RBMS3: variants seen among roughly 807,000 people sequenced by gnomAD.
The protein encoded by RBMS3 is RNA binding motif single stranded interacting protein 3.
In RBMS3, 27 loss-of-function variants were observed where a neutral mutation model predicts 66.8. The observed-to-expected ratio is 0.40, with a 90% confidence interval of 0.30 to 0.56. The LOEUF is 0.56. RBMS3 is among the 20% of genes least tolerant of loss of function. The pLI is 0.40. For synonymous variants in RBMS3, 188 were observed against 183.0 expected, an observed-to-expected ratio of 1.03 and a Z score of -0.22; for missense variants, 513 against 549.5, an observed-to-expected ratio of 0.93 and a Z score of 0.66.
At chr3:29,363,198 T>A (rs1012815624) in intron 1 of RBMS3, among the ~76,000 whole-genome samples, 2 of 152,228 alleles carry the variant, frequency 1.3e-5, no homozygotes, top group Non-Finnish European at 2.9e-5. Context: ...CTTAGTGTGT[T>A]ATTCAGAAAG....
intron 4 of RBMS3, among the ~76,000 whole-genome samples, chr3:29,625,247 T>G (rs1255748965): frequency 6.6e-6 from 1 of 152,172 alleles, no homozygotes; most frequent in Non-Finnish European, 1.5e-5. Flanking sequence ...ACTACAAATT[T>G]TTTAAAATTC....
intron 7 of RBMS3, among the ~76,000 whole-genome samples, chr3:29,871,724 G>A (rs1486252819): frequency 6.6e-6 from 1 of 152,154 alleles, no homozygotes; most frequent in Non-Finnish European, 1.5e-5. Context: ...AAATGGTCAT[G>A]TGAAAGGGAT....
At chr3:29,517,549 T>C (rs931633933) in intron 3 of RBMS3, among the ~76,000 whole-genome samples, 130 of 152,192 alleles carry the variant, frequency 8.5e-4, no homozygotes, top group Middle Eastern at 3.4e-3. Context: ...GGTTTCGATC[T>C]CCTGACCTCG....
chr3:29,562,872 A>G (rs928644244), intron 3 of RBMS3, among the ~76,000 whole-genome samples: 5 of 152,236 alleles, frequency 3.3e-5, no homozygotes, highest in Admixed American at 2.0e-4. Context: ...TATAATTCCT[A>G]CAGGGGAAGC....
At chr3:29,882,206 G>T (rs923658457) in intron 7 of RBMS3, among the ~76,000 whole-genome samples, 5 of 152,064 alleles carry the variant, frequency 3.3e-5, no homozygotes, top group Non-Finnish European at 7.4e-5. Flanking sequence ...TCTGTGTTCA[G>T]CCTAAGGCCA....
At chr3:29,368,694 A>G (rs1180986774) in intron 1 of RBMS3, among the ~76,000 whole-genome samples, 1 of 152,128 alleles carries the variant, frequency 6.6e-6, no homozygotes, top group African/African-American at 2.4e-5. Context: ...ATATTTATAG[A>G]GAAAAAGGAA....
chr3:29,450,924 CACACACA>C (rs1394847714), intron 2 of RBMS3, among the ~76,000 whole-genome samples: 130 of 124,924 alleles, frequency 1.0e-3, no homozygotes, highest in African/African-American at 3.5e-3. Context: ...CACACACACA[CACACACA>C]CCCCCCACAC....
At chr3:29,890,539 C>T (rs578105801) in intron 8 of RBMS3, among the ~76,000 whole-genome samples, 20 of 151,592 alleles carry the variant, frequency 1.3e-4, no homozygotes, top group Non-Finnish European at 1.9e-4. Flanking sequence ...TTCAACGTTG[C>T]TTAATGCTGA....
intron 6 of RBMS3, among the ~76,000 whole-genome samples, chr3:29,860,611 C>T (rs140569938): frequency 0.022 from 3,331 of 152,230 alleles, 65 homozygotes; most frequent in Admixed American, 0.032. Flanking sequence ...TTGAGTTTTC[C>T]TTTTACTTGG....
intron 6 of RBMS3, among the ~76,000 whole-genome samples, chr3:29,848,582 CCA>C (rs1199350803): frequency 6.6e-6 from 1 of 152,094 alleles, no homozygotes; most frequent in African/African-American, 2.4e-5. Context: ...AATGCTTCAG[CCA>C]AAAAGGGCAG....
intron 8 of RBMS3, among the ~76,000 whole-genome samples, chr3:29,895,642 G>A (rs989990754): frequency 6.6e-6 from 1 of 151,516 alleles, no homozygotes; most frequent in Non-Finnish European, 1.5e-5. Context: ...TCAGAGGAAG[G>A]ACATTTGGGT....
intron 3 of RBMS3, among the ~76,000 whole-genome samples, chr3:29,491,918 A>G (rs573477673): frequency 5.7e-4 from 87 of 152,144 alleles, no homozygotes; most frequent in African/African-American, 2.0e-3. Context: ...GCGTGAACCC[A>G]GGAGGCGGAG....
At chr3:29,313,637 A>G (rs2034507589) in intron 1 of RBMS3, among the ~76,000 whole-genome samples, 1 of 151,636 alleles carries the variant, frequency 6.6e-6, no homozygotes, top group Admixed American at 6.6e-5. Flanking sequence ...CAGAAATCCT[A>G]AAACTCCCAT....
At position 29,287,127 on chromosome 3, in the gene RBMS3, T is replaced by G. The variant is rs2125415858; in HGVS notation, c.75+5371T>G. Reference sequence around the variant, plus strand: ...GTGTGTTGAGGATATGTGTTGCTATTTTTTGCAGTAGTGGGAAAATGTTGA... The same window carrying G: ...GTGTGTTGAGGATATGTGTTGCTATGTTTTGCAGTAGTGGGAAAATGTTGA... On this transcript the variant is annotated intron_variant, in intron 1 of 14. Transcript: ENST00000383767. Among the ~76,000 whole-genome samples the G allele has an allele frequency of 1.3e-5, 2 of 152,268 alleles. 1 individual carries two copies. Among genetic ancestry groups the G allele is most frequent in the South Asian group, 4.1e-4 (2 of 4,824 alleles).
At chr3:29,339,032 C>A (rs1432964033) in intron 1 of RBMS3, among the ~76,000 whole-genome samples, 1 of 152,098 alleles carries the variant, frequency 6.6e-6, no homozygotes, top group Admixed American at 6.6e-5. Flanking sequence ...CAGAGGTCAG[C>A]CACTGTAAGC....
At chr3:29,292,542 G>A (rs1021806130) in intron 1 of RBMS3, among the ~76,000 whole-genome samples, 17 of 151,704 alleles carry the variant, frequency 1.1e-4, no homozygotes, top group Admixed American at 4.6e-4. Flanking sequence ...ATTCTTGATA[G>A]CATCTTTTGG....
At chr3:29,288,785 C>T (rs555270271) in intron 1 of RBMS3, among the ~76,000 whole-genome samples, 1 of 152,048 alleles carries the variant, frequency 6.6e-6, no homozygotes, top group East Asian at 1.9e-4. Flanking sequence ...AACCTACAAT[C>T]TCTGAATCTC....
rs116862073 is a variant in RBMS3 at position 29,579,610 on chromosome 3, T to A, written c.308-7504T>A. On this transcript the variant is annotated intron_variant, in intron 3 of 14. Coordinates refer to ENST00000383767, the MANE Select transcript of RBMS3 (RefSeq NM_001003793.3). ...ACTTGTTGGAATTGTTTTATTAATATGTTGGGCTTGCTCATGCAGTCACCA... is the reference window on the plus strand; with the variant it reads ...ACTTGTTGGAATTGTTTTATTAATAAGTTGGGCTTGCTCATGCAGTCACCA... Among the ~76,000 whole-genome samples, 81 of 152,348 alleles carry A rather than the reference T, an allele frequency of 5.3e-4. No homozygotes were observed. In the East Asian group the frequency reaches 0.015, roughly 28 times the overall value.
intron 2 of RBMS3, among the ~76,000 whole-genome samples, chr3:29,471,713 ACTTAG>A (rs2042731950): frequency 1.9e-5 from 2 of 105,004 alleles, no homozygotes; most frequent in African/African-American, 8.3e-5. Flanking sequence ...TATCATGAGG[ACTTAG>A]TTTTTTTTTT....
Sources: gnomAD v4.1 joint callset for allele counts (sites outside exome capture counted in the v4.1 genomes callset) on GRCh38, gnomAD v4.1.1 for gene constraint, MANE v1.5 for transcripts, NCBI Gene and HGNC (gene_info 2026-07-23, HGNC 2026-07-21) for gene names.